BCKDHB: variants seen among roughly 807,000 people sequenced by gnomAD.
The protein encoded by BCKDHB is branched chain keto acid dehydrogenase E1 subunit beta.
Under a neutral mutation model 48.5 loss-of-function variants are expected in BCKDHB, and 41 were observed. That is an observed-to-expected ratio of 0.85 (90% CI 0.66 to 1.10). The LOEUF is 1.10. Ranked by LOEUF, BCKDHB falls within the 50% of genes least tolerant of loss-of-function variation. The probability of loss-of-function intolerance (pLI) is 0.00; values close to 1 mark genes in which losing one functional copy is unlikely to be tolerated. For missense variants in BCKDHB, 496 were observed against 494.2 expected, an observed-to-expected ratio of 1.00 and a Z score of -0.03; for synonymous variants, 201 against 174.8, an observed-to-expected ratio of 1.15 and a Z score of -1.18.
intron 8 of BCKDHB, among the ~76,000 whole-genome samples, chr6:80,252,489 A>G (rs1017428177): frequency 2.0e-5 from 3 of 152,142 alleles, no homozygotes; most frequent in Non-Finnish European, 4.4e-5. Context: ...TGTCAAGGTT[A>G]TTGGTCATAA....
intron 9 of BCKDHB, among the ~76,000 whole-genome samples, chr6:80,336,489 A>G (rs1295233228): frequency 8.6e-6 from 1 of 116,720 alleles, no homozygotes; most frequent in African/African-American, 2.7e-5. Flanking sequence ...ATCTTAGCAA[A>G]AAAAACCAAA....
At chr6:80,416,126 G>T in the BCKDHB span, among the ~76,000 whole-genome samples, 3,064 of 151,582 alleles carry the variant, frequency 0.02, 94 homozygotes, top group African/African-American at 0.07. Context: ...TATCCCTCTT[G>T]TCATTTCTGA....
intron 9 of BCKDHB, among the ~76,000 whole-genome samples, chr6:80,323,279 T>C (rs536094649): frequency 3.5e-4 from 54 of 152,218 alleles, no homozygotes; most frequent in Non-Finnish European, 6.9e-4. Flanking sequence ...TCTTCATTTG[T>C]TTTCTGCTAT....
At chr6:80,117,138 C>A (rs879275931) in intron 1 of BCKDHB, among the ~76,000 whole-genome samples, 2 of 152,112 alleles carry the variant, frequency 1.3e-5, no homozygotes, top group Non-Finnish European at 2.9e-5. Flanking sequence ...AGAAAAGTAT[C>A]TGGTAGAATA....
chr6:80,427,279 G>A, the BCKDHB span, among the ~76,000 whole-genome samples: 4,994 of 151,890 alleles, frequency 0.033, 284 homozygotes, highest in African/African-American at 0.11. Context: ...TTAAGGTTTG[G>A]AGTACCCATA....
At chr6:80,402,491 A>G in the BCKDHB span, among the ~76,000 whole-genome samples, 2 of 151,782 alleles carry the variant, frequency 1.3e-5, no homozygotes, top group Admixed American at 6.6e-5. Flanking sequence ...TATGACTTCC[A>G]TACATATTTT....
the BCKDHB span, among the ~76,000 whole-genome samples, chr6:80,383,047 T>G: frequency 1.3e-5 from 2 of 152,206 alleles, no homozygotes; most frequent in African/African-American, 4.8e-5. Context: ...GCTTTGGCTC[T>G]GTTCCACATG....
At chr6:80,259,859 T>A (rs771493119) in intron 8 of BCKDHB, among the ~76,000 whole-genome samples, 13 of 152,186 alleles carry the variant, frequency 8.5e-5, no homozygotes, top group Non-Finnish European at 1.6e-4. Flanking sequence ...AAGGTGGAGA[T>A]GTAGGTAACC....
chr6:80,147,903 C>T (rs1430300007), intron 3 of BCKDHB, among the ~76,000 whole-genome samples: 1 of 151,976 alleles, frequency 6.6e-6, no homozygotes, highest in Non-Finnish European at 1.5e-5. Context: ...GATTGTGATT[C>T]TTTGAAGTTG....
the BCKDHB span, among the ~76,000 whole-genome samples, chr6:80,358,089 C>T: frequency 1.3e-5 from 2 of 151,946 alleles, no homozygotes; most frequent in African/African-American, 2.4e-5. Context: ...ATTTTCTTCT[C>T]ACAATTGTAT....
chr6:80,424,760 C>A, the BCKDHB span, among the ~76,000 whole-genome samples: 2 of 152,130 alleles, frequency 1.3e-5, no homozygotes, highest in African/African-American at 2.4e-5. Flanking sequence ...TATTGGACTA[C>A]AGAAAGCAAT....
At chr6:80,369,255 T>C in the BCKDHB span, among the ~76,000 whole-genome samples, 1 of 152,228 alleles carries the variant, frequency 6.6e-6, no homozygotes, top group Admixed American at 6.5e-5. Flanking sequence ...TATTCTTTGT[T>C]ACAGAAATTG....
the BCKDHB span, among the ~76,000 whole-genome samples, chr6:80,352,060 A>G: frequency 6.6e-6 from 1 of 151,732 alleles, no homozygotes; most frequent in African/African-American, 2.4e-5. Flanking sequence ...ACCTCAGGTG[A>G]TCTGCCCGCC....
chr6:80,168,346 G>A (rs1461886878), intron 4 of BCKDHB, among the ~76,000 whole-genome samples: 2 of 146,954 alleles, frequency 1.4e-5, no homozygotes, highest in African/African-American at 5.0e-5. Flanking sequence ...AAGGGAGAGG[G>A]GAGAGAGGAG....
chr6:80,151,105 A>G (rs1347625385), intron 3 of BCKDHB, among the ~76,000 whole-genome samples: 3 of 152,210 alleles, frequency 2.0e-5, no homozygotes, highest in African/African-American at 4.8e-5. Flanking sequence ...TTTCTATACA[A>G]TGGAATATTA....
chr6:80,258,841 A>C (rs1424807552), intron 8 of BCKDHB, among the ~76,000 whole-genome samples: 1 of 151,720 alleles, frequency 6.6e-6, no homozygotes, highest in Non-Finnish European at 1.5e-5. Context: ...TATAGTTTTC[A>C]CCTTTACACT....
the BCKDHB span, among the ~76,000 whole-genome samples, chr6:80,418,330 G>A: frequency 6.6e-6 from 1 of 152,214 alleles, no homozygotes; most frequent in Non-Finnish European, 1.5e-5. Flanking sequence ...CTGCTAGAGA[G>A]GTGATGCAGT....
At chr6:80,417,808 C>A in the BCKDHB span, among the ~76,000 whole-genome samples, 1 of 151,922 alleles carries the variant, frequency 6.6e-6, no homozygotes, top group Non-Finnish European at 1.5e-5. Flanking sequence ...ATAATTATGT[C>A]TTGAGGATAA....
chr6:80,388,549 A>C, the BCKDHB span, among the ~76,000 whole-genome samples: 4 of 152,178 alleles, frequency 2.6e-5, no homozygotes, highest in African/African-American at 9.7e-5. Flanking sequence ...AAAGTGGGGT[A>C]TGCACAGCAG....
Sources: gnomAD v4.1 joint callset for allele counts (sites outside exome capture counted in the v4.1 genomes callset) on GRCh38, gnomAD v4.1.1 for gene constraint, MANE v1.5 for transcripts, NCBI Gene and HGNC (gene_info 2026-07-23, HGNC 2026-07-21) for gene names.